Variants in CPM observed in about 807,000 individuals in gnomAD.
The protein encoded by CPM is renal carboxypeptidase.
Under a neutral mutation model 46.4 loss-of-function variants are expected in CPM, and 35 were observed. That is an observed-to-expected ratio of 0.75 (90% CI 0.58 to 1.00). The LOEUF is 1.00. Ranked by LOEUF, CPM falls within the 50% of genes least tolerant of loss-of-function variation. The pLI is 0.00. For missense variants in CPM, 422 were observed against 530.4 expected, an observed-to-expected ratio of 0.80 and a Z score of 2.01; for synonymous variants, 195 against 195.3, an observed-to-expected ratio of 1.00 and a Z score of 0.01.
At chr12:68,961,975 C>A (rs139346466) in intron 1 of CPM, among the ~76,000 whole-genome samples, 2 of 151,774 alleles carry the variant, frequency 1.3e-5, no homozygotes, top group Admixed American at 6.6e-5. Flanking sequence ...CCAAGGCGGG[C>A]GGATCACGAG....
intron 2 of CPM, among the ~76,000 whole-genome samples, chr12:68,909,938 A>G (rs1008238665): frequency 3.3e-5 from 5 of 152,032 alleles, no homozygotes; most frequent in Non-Finnish European, 7.4e-5. Context: ...ATACCTATGT[A>G]ACAAACCTGC....
intron 2 of CPM, among the ~76,000 whole-genome samples, chr12:68,928,958 C>A (rs559982320): frequency 6.7e-6 from 1 of 149,772 alleles, no homozygotes; most frequent in Admixed American, 6.7e-5. Context: ...GTTGCCTAGG[C>A]TGGTCTCCTG....
At chr12:68,861,542 T>G (rs1314927326) in intron 7 of CPM, among the ~76,000 whole-genome samples, 3 of 150,932 alleles carry the variant, frequency 2.0e-5, no homozygotes, top group South Asian at 2.1e-4. Flanking sequence ...AATTTTTTGT[T>G]TTTTTTTTTG....
intron 3 of CPM, among the ~76,000 whole-genome samples, chr12:68,873,017 G>C (rs1276546614): frequency 2.0e-5 from 3 of 152,162 alleles, no homozygotes; most frequent in African/African-American, 4.8e-5. Flanking sequence ...TAATTTAAAT[G>C]TCAGCCTTAT....
At chr12:68,957,040 C>T (rs913006795) in intron 1 of CPM, among the ~76,000 whole-genome samples, 10 of 152,114 alleles carry the variant, frequency 6.6e-5, no homozygotes, top group East Asian at 3.9e-4. Flanking sequence ...GCTGCCCTGA[C>T]GCCATCACCA....
intron 2 of CPM, among the ~76,000 whole-genome samples, chr12:68,916,993 A>G (rs1012659300): frequency 2.6e-5 from 4 of 151,922 alleles, no homozygotes; most frequent in Admixed American, 2.6e-4. Context: ...CAAATCTGTC[A>G]TTTTCCTATC....
At chr12:68,874,043 T>C (rs1204805473) in intron 3 of CPM, among the ~76,000 whole-genome samples, 1 of 151,984 alleles carries the variant, frequency 6.6e-6, no homozygotes, top group African/African-American at 2.4e-5. Flanking sequence ...TGACCTCAGG[T>C]GATCTGCCTG....
At chr12:68,936,396 T>C (rs1195268661), upstream of CPM, among the ~76,000 whole-genome samples, 1 of 152,172 alleles carries the variant, frequency 6.6e-6, no homozygotes. Context: ...TTTCTTCTTT[T>C]TTTTTGAGAT....
intron 1 of CPM, 77 bp downstream of exon 1, chr12:68,933,065 T>TCTCCTC: frequency 2.2e-6 from 1 of 451,646 alleles, no homozygotes; most frequent in Non-Finnish European, 4.0e-6. Context: ...CGCGCCTCCC[T>TCTCCTC]CTCCTCCTCC....
At chr12:68,917,050 G>A (rs576023352) in intron 2 of CPM, among the ~76,000 whole-genome samples, 6 of 152,158 alleles carry the variant, frequency 3.9e-5, no homozygotes, top group Non-Finnish European at 2.9e-5. Context: ...GAAGCAAAAC[G>A]TGTTTAACAG....
rs572468296 is a variant in CPM at position 68,950,285 on chromosome 12, C to T, written c.-4+12884G>A. ...GGTATATCTTCATTCGCCCAATGCG[C>T]GCCAACAGGGTATTGAAAAAGGTAG... On this transcript the variant is annotated intron_variant, in intron 1 of 8. Transcript: ENST00000546373. 2.5e-4 allele frequency among the ~76,000 whole-genome samples: 38 copies of T among 152,094 alleles called. 1 individual carries two copies. The highest frequency in any genetic ancestry group is 7.5e-4 in the African/African-American group (31 of 41,466).
intron 1 of CPM, among the ~76,000 whole-genome samples, chr12:68,950,341 T>C (rs1888914836): frequency 6.6e-6 from 1 of 152,210 alleles, no homozygotes; most frequent in African/African-American, 2.4e-5. Context: ...TTATGTTATA[T>C]ATTAGTGTTA....
chr12:68,886,000 T>G, intron 2 of CPM, 111 bp from the exon 3 acceptor site: 1 of 824,528 alleles, frequency 1.2e-6, no homozygotes, highest in Non-Finnish European at 1.9e-6. Flanking sequence ...GATCGCCTGT[T>G]TCATGGTGAC....
At chr12:68,858,531 A>G (rs1435429677) in intron 8 of CPM, among the ~76,000 whole-genome samples, 1 of 152,204 alleles carries the variant, frequency 6.6e-6, no homozygotes, top group African/African-American at 2.4e-5. Context: ...AACTTTATCC[A>G]ATTCATTTTT....
chr12:68,960,785 A>G (rs1048277619), intron 1 of CPM, among the ~76,000 whole-genome samples: 6 of 152,224 alleles, frequency 3.9e-5, no homozygotes, highest in Non-Finnish European at 8.8e-5. Context: ...AAGCCCAGAA[A>G]GCTGACCCTG....
chr12:68,941,569 G>T (rs1888762233), intron 1 of CPM, among the ~76,000 whole-genome samples: 2 of 152,086 alleles, frequency 1.3e-5, no homozygotes, highest in Admixed American at 1.3e-4. Flanking sequence ...TAGATACAGA[G>T]TCTCACCATG....
chr12:68,860,590 C>T (rs921372450), intron 7 of CPM, among the ~76,000 whole-genome samples: 7 of 152,068 alleles, frequency 4.6e-5, no homozygotes, highest in Non-Finnish European at 8.8e-5. Context: ...GCACCACACT[C>T]AGCTTCAATG....
intron 1 of CPM, among the ~76,000 whole-genome samples, chr12:68,956,608 C>A (rs746619243): frequency 1.3e-5 from 2 of 152,042 alleles, no homozygotes; most frequent in African/African-American, 4.8e-5. Flanking sequence ...ACCCATTGGC[C>A]GAAGGACCTG....
At chr12:68,939,379 A>G (rs1033866327) in intron 1 of CPM, among the ~76,000 whole-genome samples, 1 of 148,632 alleles carries the variant, frequency 6.7e-6, no homozygotes, top group South Asian at 2.1e-4. Context: ...ATGTAAATAT[A>G]CATCCTATAT....
Sources: allele counts gnomAD v4.1 joint callset (sites outside exome capture counted in the v4.1 genomes callset), GRCh38; gene constraint gnomAD v4.1.1; transcripts MANE v1.5; gene names NCBI Gene and HGNC (gene_info 2026-07-23, HGNC 2026-07-21).